Variants in MMAA observed in about 807,000 individuals in gnomAD.
The protein encoded by MMAA is metabolism of cobalamin associated A.
In MMAA, 41 loss-of-function variants were observed where a neutral mutation model predicts 45.0. The observed-to-expected ratio is 0.91, with a 90% confidence interval of 0.71 to 1.18. The LOEUF (loss-of-function observed/expected upper bound fraction) is 1.18, where lower values mean the gene tolerates loss of function less well. Among genes scored for constraint, MMAA ranks in the 50% most tolerant of loss-of-function variants. The probability of loss-of-function intolerance (pLI) is 0.00; values close to 1 mark genes in which losing one functional copy is unlikely to be tolerated. For synonymous variants in MMAA, 154 were observed against 178.2 expected (o/e 0.86, Z 1.08); for missense variants, 460 against 495.7 (o/e 0.93, Z 0.68).
intron 1 of MMAA, among the ~76,000 whole-genome samples, chr4:145,622,207 G>A (rs1734101797): frequency 1.3e-5 from 2 of 151,942 alleles, no homozygotes; most frequent in African/African-American, 2.4e-5. Context: ...TCTCATGATA[G>A]TGAATGAGTC....
chr4:145,654,168 T>C, intron 6 of MMAA, 25 bp downstream of exon 6: 2 of 1,613,722 alleles, frequency 1.2e-6, no homozygotes, highest in Non-Finnish European at 1.7e-6. Flanking sequence ...ATTCTGTATC[T>C]TTCACTCTGA....
Position 145,639,462 on chromosome 4 carries a change from T to C in MMAA, c.323T>C (p.Val108Ala). 3 of 1,614,200 alleles carry C rather than the reference T, an allele frequency of 1.9e-6. No homozygotes were observed. The highest frequency in any genetic ancestry group is 2.5e-6 in the Non-Finnish European group (3 of 1,180,040). The stretch of plus-strand genomic sequence containing the variant: ...TGTTTAGCAGAGGCCATAACTCTTG[T>C]AGAATCAACTCACAGCAGGAAAAAG... ...RACLAEAITLVESTHSRKKEL... is the reference protein window; with the variant it reads ...RACLAEAITLAESTHSRKKEL... The change falls in exon 2 of 7, where the codon GTA becomes GCA. Residue 108 changes from valine to alanine, a missense_variant. By Grantham distance (64) the Val-to-Ala change is moderately conservative (BLOSUM62 0). Transcript: ENST00000649156.
rs986396752 is a variant in MMAA at position 145,646,324 on chromosome 4, C to G, written c.733+168C>G. On this transcript the variant is annotated intron_variant, in intron 4 of 6. Transcript: ENST00000649156. ...ATGAATGTATAGGTTATAATCTTTA[C>G]CCTCCAAGATCTTATTTTAAAAAGT... 6 of 765,254 alleles carry G rather than the reference C, an allele frequency of 7.8e-6. No homozygotes were observed. The Admixed American group carries it at 1.7e-4, about 21-fold the overall frequency. 47.4% of individuals were successfully genotyped at this position (765,254 alleles called of 1,614,324 possible). A position where few individuals can be genotyped will look rare whatever the true frequency, so the allele number is the denominator to read the frequency against.
chr4:145,638,939 T>C (rs188601916), intron 1 of MMAA, 136 bp from the exon 2 acceptor site: 51 of 601,002 alleles, frequency 8.5e-5, no homozygotes, highest in Non-Finnish European at 1.4e-4. Flanking sequence ...GTAAGAAAAC[T>C]TTCACCCATT....
intron 2 of MMAA, 155 bp from the exon 3 acceptor site, chr4:145,642,208 T>A (rs1727806767): frequency 1.2e-6 from 1 of 868,044 alleles, no homozygotes; most frequent in East Asian, 2.7e-5. Flanking sequence ...AGAAACAGAT[T>A]TTTATTTGCC....
In MMAA at chr4:145,658,061, A is replaced by G. The variant is rs886059109; in HGVS notation, c.*2627A>G. The G allele has an allele frequency of 2.0e-5, 3 of 152,418 alleles. No homozygotes were observed. The highest frequency in any genetic ancestry group is 7.2e-5 in the African/African-American group (3 of 41,528). The allele number at this position is 152,418 out of a possible 1,614,324, so 9.4% of individuals were successfully genotyped here. ...GTGGCATCTCCCCATCCCTCACTCT[A>G]TCACTTGCTCCTACTTTCGTCATAT... On this transcript the variant is annotated 3_prime_UTR_variant, in exon 7 of 7. Transcript: ENST00000649156.
intron 4 of MMAA, among the ~76,000 whole-genome samples, chr4:145,649,620 C>T (rs937035543): frequency 6.6e-6 from 1 of 152,122 alleles, no homozygotes; most frequent in African/African-American, 2.4e-5. Flanking sequence ...CATCATATCT[C>T]GCTGAAAGGA....
intron 1 of MMAA, chr4:145,624,892 T>G (rs1734168489): frequency 1.3e-6 from 2 of 1,591,022 alleles, no homozygotes; most frequent in African/African-American, 2.7e-5. Flanking sequence ...TACAATGGTT[T>G]CTTGGCCCCC....
chr4:145,624,907 G>A (rs1734168721), intron 1 of MMAA: 4 of 1,526,152 alleles, frequency 2.6e-6, no homozygotes, highest in Admixed American at 1.7e-5. Flanking sequence ...GCCCCCAAGT[G>A]GTCATGCAGG....
chr4:145,619,977 A>G (rs1734058428), intron 1 of MMAA, among the ~76,000 whole-genome samples: 1 of 152,210 alleles, frequency 6.6e-6, no homozygotes, highest in Non-Finnish European at 1.5e-5. Context: ...TGTATTTCTC[A>G]TTAGAAAATG....
chr4:145,644,836 A>G (rs978619887), intron 3 of MMAA, among the ~76,000 whole-genome samples: 4 of 152,172 alleles, frequency 2.6e-5, no homozygotes, highest in African/African-American at 9.6e-5. Context: ...TGTCCTGTGC[A>G]TTGAAGGATG....
chr4:145,639,577 A>G lies in MMAA; in HGVS notation c.438A>G (p.Val146=). The change falls in exon 2 of 7, where the codon GTA becomes GTG. Residue 146 remains valine (V), a splice_region_variant and synonymous_variant. Coordinates refer to ENST00000649156, the MANE Select transcript of MMAA (RefSeq NM_172250.3). The stretch of plus-strand genomic sequence containing the variant: ...AAGGAAAACCACTAGCATTTCGAGT[A>G]GGTCAGTCTTTTTTGTGTGTTTTCT... ...SNKGKPLAFR[V]GLSGPPGAGK... is the part of the protein sequence containing the mutation. 6.2e-7 allele frequency: 1 copy of G among 1,607,254 alleles called. No homozygotes were observed. The highest frequency in any genetic ancestry group is 8.5e-7 in the Non-Finnish European group (1 of 1,176,134).
chr4:145,630,441 T>C (rs977842837), intron 1 of MMAA, among the ~76,000 whole-genome samples: 3 of 152,166 alleles, frequency 2.0e-5, no homozygotes, highest in Non-Finnish European at 2.9e-5. Context: ...TAAGATGCAT[T>C]GTTTAGGCCG....
At chr4:145,654,323 T>C (rs1324592735) in intron 6 of MMAA, among the ~76,000 whole-genome samples, 180 bp downstream of exon 6, 1 of 152,172 alleles carries the variant, frequency 6.6e-6, no homozygotes, top group Non-Finnish European at 1.5e-5. Flanking sequence ...CTTTAACCAC[T>C]AGATGTCAAA....
chr4:145,644,235 A>T (rs1240440874), intron 3 of MMAA, among the ~76,000 whole-genome samples: 2 of 152,206 alleles, frequency 1.3e-5, no homozygotes, highest in African/African-American at 4.8e-5. Flanking sequence ...GATGGGATCT[A>T]TAGGATAGTA....
rs752876551 is a variant in MMAA, at chr4:145,639,374, T to C, written c.235T>C (p.Ser79Pro). Residue 79 changes from serine to proline, a missense_variant, in exon 2 of 7, where the codon TCT becomes CCT. Coordinates refer to ENST00000649156, the MANE Select transcript of MMAA (RefSeq NM_172250.3). ...TTLKDHTEGL[S>P]DKEQRFVDKL... ...CTTAAAGGACCACACAGAAGGACTT[T>C]CTGATAAAGAGCAAAGATTTGTGGA... is the stretch of plus-strand genomic sequence containing the variant. The C allele has an allele frequency of 8.1e-6, 13 of 1,614,080 alleles. No homozygotes were observed. In the South Asian group the frequency reaches 1.3e-4, roughly 16 times the overall value.
At chr4:145,627,045 C>T (rs976491566) in intron 1 of MMAA, among the ~76,000 whole-genome samples, 23 of 152,146 alleles carry the variant, frequency 1.5e-4, no homozygotes, top group African/African-American at 5.3e-4. Flanking sequence ...CATCAGAAGG[C>T]AGAGAACTGC....
chr4:145,629,103 A>G (rs1734266880), intron 1 of MMAA, among the ~76,000 whole-genome samples: 1 of 152,176 alleles, frequency 6.6e-6, no homozygotes, highest in Non-Finnish European at 1.5e-5. Context: ...TTGATATGAT[A>G]TATCACATTG....
chr4:145,656,335 T>C lies in MMAA; in HGVS notation c.*901T>C, dbSNP rs768720995. The C allele has an allele frequency of 6.6e-6, 1 of 152,184 alleles. No homozygotes were observed. The highest frequency in any genetic ancestry group is 1.5e-5 in the Non-Finnish European group (1 of 68,018). 9.4% of individuals were successfully genotyped at this position (152,184 alleles called of 1,614,324 possible). ...GTGATTAAGAGCTTGGGCTCTGTAG[T>C]TGGACTATGTGGGTTTAAACTTTAA... On this transcript the variant is annotated 3_prime_UTR_variant, in exon 7 of 7. Transcript: ENST00000649156.
Sources: allele counts gnomAD v4.1 joint callset (sites outside exome capture counted in the v4.1 genomes callset), GRCh38; gene constraint gnomAD v4.1.1; transcripts MANE v1.5; gene names NCBI Gene and HGNC (gene_info 2026-07-23, HGNC 2026-07-21).